Variants in ST7 observed in about 807,000 individuals in gnomAD.
The protein encoded by ST7 is suppressor of tumorigenicity 7 protein.
In ST7, 28 loss-of-function variants were observed where a neutral mutation model predicts 78.7. That is an observed-to-expected ratio of 0.36 (90% CI 0.26 to 0.49). ST7 has a LOEUF of 0.49. Ranked by LOEUF, ST7 falls within the 20% of genes least tolerant of loss-of-function variation. ST7 has a pLI of 0.99. For synonymous variants in ST7, 247 were observed against 249.6 expected, an observed-to-expected ratio of 0.99 and a Z score of 0.10; for missense variants, 418 against 696.0, an observed-to-expected ratio of 0.60 and a Z score of 4.49.
chr7:117,074,092 T>G (rs1799169699), intron 1 of ST7, among the ~76,000 whole-genome samples: 1 of 152,212 alleles, frequency 6.6e-6, no homozygotes, highest in Non-Finnish European at 1.5e-5. Flanking sequence ...TATGATTTCC[T>G]AGATACAGTT....
rs1793535356 is a variant in ST7 at position 117,227,693 on chromosome 7, G to T, written c.1639-2069G>T. On this transcript the variant is annotated intron_variant, in intron 15 of 15. Transcript: ENST00000323984. ...TTTTACAAATGCTTTCAGAGTAATT[G>T]GGCAGTAATTGCTCATTCCCAGGCC... is the stretch of plus-strand genomic sequence containing the variant. Among the ~76,000 whole-genome samples the T allele has an allele frequency of 2.6e-5, 4 of 152,056 alleles. No homozygotes were observed. The South Asian group carries it at 8.3e-4, about 32-fold the overall frequency.
chr7:117,121,726 C>G (rs1051752069), intron 3 of ST7, among the ~76,000 whole-genome samples: 3 of 152,112 alleles, frequency 2.0e-5, no homozygotes, highest in Non-Finnish European at 2.9e-5. Context: ...ACCACTTTGT[C>G]TCCTTCAATA....
intron 12 of ST7, among the ~76,000 whole-genome samples, chr7:117,202,851 C>T (rs1426083612): frequency 6.6e-6 from 1 of 151,702 alleles, no homozygotes; most frequent in Non-Finnish European, 1.5e-5. Context: ...ATCAGCTTCA[C>T]AGATTCTAAG....
intron 1 of ST7, chr7:116,954,065 G>A (rs2116079456): frequency 6.6e-6 from 1 of 151,982 alleles, no homozygotes; most frequent in African/African-American, 2.4e-5. Flanking sequence ...GAACTCCGAG[G>A]GTTCCCCGGA....
intron 12 of ST7, among the ~76,000 whole-genome samples, chr7:117,200,551 T>G (rs1810727327): frequency 6.6e-6 from 1 of 152,156 alleles, no homozygotes. Context: ...GTAAACCATC[T>G]GCTGTCCTCA....
At chr7:117,162,141 G>A (rs1299403292) in intron 9 of ST7, among the ~76,000 whole-genome samples, 1 of 151,944 alleles carries the variant, frequency 6.6e-6, no homozygotes, top group African/African-American at 2.4e-5. Flanking sequence ...TTTATGAATT[G>A]CCTTTAAGAA....
chr7:116,995,775 A>T (rs1794624704), intron 1 of ST7, among the ~76,000 whole-genome samples: 1 of 152,218 alleles, frequency 6.6e-6, no homozygotes, highest in East Asian at 1.9e-4. Context: ...AATGTGGGTT[A>T]TCTGTGCACC....
At chr7:116,985,474 C>T (rs1216570137) in intron 1 of ST7, among the ~76,000 whole-genome samples, 2 of 152,214 alleles carry the variant, frequency 1.3e-5, no homozygotes, top group Non-Finnish European at 1.5e-5. Flanking sequence ...GTCAACATCA[C>T]ATACAACTCA....
chr7:116,957,860 A>G (rs1318609157), intron 1 of ST7, among the ~76,000 whole-genome samples: 2 of 152,258 alleles, frequency 1.3e-5, no homozygotes, highest in African/African-American at 4.8e-5. Flanking sequence ...TGTTTTTGCA[A>G]AAAGCAGCAT....
chr7:117,099,672 T>G, intron 1 of ST7, 90 bp from the exon 2 acceptor site: 1 of 872,016 alleles, frequency 1.1e-6, no homozygotes, highest in Non-Finnish European at 1.8e-6. Flanking sequence ...AATAAATGAT[T>G]TTACCAGAGA....
intron 1 of ST7, among the ~76,000 whole-genome samples, chr7:116,998,516 G>T (rs1794784705): frequency 6.6e-6 from 1 of 152,260 alleles, no homozygotes; most frequent in African/African-American, 2.4e-5. Flanking sequence ...GAGGTGCCGA[G>T]AGTGAGCAAG....
chr7:117,105,474 G>T (rs908699137), intron 2 of ST7, among the ~76,000 whole-genome samples: 1 of 152,144 alleles, frequency 6.6e-6, no homozygotes, highest in African/African-American at 2.4e-5. Context: ...TAGAGATGGA[G>T]TCTCCCTATA....
At chr7:117,006,643 G>A (rs1795168093) in intron 1 of ST7, among the ~76,000 whole-genome samples, 1 of 152,106 alleles carries the variant, frequency 6.6e-6, no homozygotes, top group Admixed American at 6.5e-5. Context: ...ACCATATAGA[G>A]GCACACCTTG....
At chr7:117,143,443 T>C (rs1206171969) in intron 9 of ST7, among the ~76,000 whole-genome samples, 1 of 152,206 alleles carries the variant, frequency 6.6e-6, no homozygotes, top group East Asian at 1.9e-4. Context: ...ATTTTCCTCA[T>C]CTTTGTGACT....
intron 1 of ST7, chr7:116,968,411 T>G: frequency 2.2e-6 from 1 of 452,890 alleles, no homozygotes; most frequent in Non-Finnish European, 4.5e-6. Context: ...TCTTACTATG[T>G]TGACCGTGCT....
chr7:116,956,255 C>A (rs1419940302), intron 1 of ST7, among the ~76,000 whole-genome samples: 1 of 152,234 alleles, frequency 6.6e-6, no homozygotes, highest in Non-Finnish European at 1.5e-5. Flanking sequence ...ATTCCCCTCC[C>A]CTTTGGGAAA....
At chr7:116,956,189 T>C (rs1017653251) in intron 1 of ST7, among the ~76,000 whole-genome samples, 2 of 152,226 alleles carry the variant, frequency 1.3e-5, no homozygotes, top group Non-Finnish European at 2.9e-5. Context: ...TGAGAAGTTA[T>C]AGTAGGAAAA....
At chr7:117,083,073 T>C (rs1365609228) in intron 1 of ST7, among the ~76,000 whole-genome samples, 1 of 152,196 alleles carries the variant, frequency 6.6e-6, no homozygotes, top group African/African-American at 2.4e-5. Flanking sequence ...TTTTATTTTA[T>C]GTTGAGACGG....
At chr7:117,107,872 C>T (rs1240487293) in intron 2 of ST7, among the ~76,000 whole-genome samples, 1 of 152,028 alleles carries the variant, frequency 6.6e-6, no homozygotes, top group African/African-American at 2.4e-5. Flanking sequence ...GCCTCGGCCT[C>T]CCAAAGTTCT....
Sources: allele counts gnomAD v4.1 joint callset (sites outside exome capture counted in the v4.1 genomes callset), GRCh38; gene constraint gnomAD v4.1.1; transcripts MANE v1.5; gene names NCBI Gene and HGNC (gene_info 2026-07-23, HGNC 2026-07-21).